Variants in DIPK1C observed in about 807,000 individuals in gnomAD.
DIPK1C encodes the protein divergent protein kinase domain 1C, also known as familial non-conventional Alzheimer's dementia.
A neutral mutation model predicts 28.0 loss-of-function variants in DIPK1C; 33 were observed. The observed-to-expected ratio is 1.18, with a 90% CI of 0.89 to 1.58. DIPK1C has a LOEUF of 1.58. DIPK1C is among the 40% of genes most tolerant of loss of function. The pLI, the probability that DIPK1C is intolerant of heterozygous loss-of-function variation, is 0.00. For synonymous variants in DIPK1C, 255 were observed against 248.8 expected (o/e 1.02, Z -0.23); for missense variants, 569 against 568.5 (o/e 1.00, Z -0.01).
the DIPK1C span, among the ~76,000 whole-genome samples, chr18:74,464,258 T>TA: frequency 6.6e-6 from 1 of 152,192 alleles, no homozygotes; most frequent in Non-Finnish European, 1.5e-5. Context: ...TGGGAGCCCT[T>TA]AAATCCACCA....
At chr18:74,464,461 C>T in the DIPK1C span, among the ~76,000 whole-genome samples, 3 of 152,230 alleles carry the variant, frequency 2.0e-5, no homozygotes, top group Admixed American at 2.0e-4. Context: ...CATCCTCCCC[C>T]ACATCAACAT....
chr18:74,446,182 G>T (rs749576298), intron 2 of DIPK1C, among the ~76,000 whole-genome samples: 6 of 152,248 alleles, frequency 3.9e-5, no homozygotes, highest in Admixed American at 6.5e-5. Context: ...AGCATGGGCA[G>T]CTTGAGAGCA....
chr18:74,448,885 G>C (rs1343040401), intron 1 of DIPK1C, among the ~76,000 whole-genome samples: 1 of 152,186 alleles, frequency 6.6e-6, no homozygotes, highest in Non-Finnish European at 1.5e-5. Context: ...GAGGCGGGCA[G>C]ATCACTTGAG....
At chr18:74,448,313 C>T (rs1986320242) in intron 1 of DIPK1C, among the ~76,000 whole-genome samples, 1 of 152,226 alleles carries the variant, frequency 6.6e-6, no homozygotes, top group Non-Finnish European at 1.5e-5. Context: ...ATAAAGGCCG[C>T]TCTTCCTTCC....
upstream of DIPK1C, chr18:74,457,400 G>A: frequency 1.7e-6 from 1 of 588,222 alleles, no homozygotes; most frequent in Non-Finnish European, 2.1e-6. Context: ...CAGGCCCCGC[G>A]CCTGGGGCGG....
chr18:74,437,589 T>C (rs1986026600), intron 3 of DIPK1C, among the ~76,000 whole-genome samples: 1 of 152,202 alleles, frequency 6.6e-6, no homozygotes, highest in East Asian at 1.9e-4. Flanking sequence ...TACTGCTTCA[T>C]AGAGGACAAA....
chr18:74,449,451 A>G (rs553801631), intron 1 of DIPK1C, among the ~76,000 whole-genome samples: 6 of 152,286 alleles, frequency 3.9e-5, no homozygotes, highest in African/African-American at 1.4e-4. Flanking sequence ...GAAAAGAAGC[A>G]CTCCCAGTGC....
At chr18:74,463,124 C>T in the DIPK1C span, among the ~76,000 whole-genome samples, 1 of 152,182 alleles carries the variant, frequency 6.6e-6, no homozygotes, top group African/African-American at 2.4e-5. Context: ...CATGGGGATT[C>T]CAGCTCCCGG....
At position 74,436,681 on chromosome 18, in the gene DIPK1C, C is replaced by T. The variant is rs750262375; in HGVS notation, c.1080G>A (p.Ala360=). The change falls in exon 4 of 4, where the codon GCG becomes GCA. Residue 360 remains alanine (A), a synonymous_variant. Transcript: ENST00000343998. The part of the protein sequence containing the change: ...CDKIFRHWFS[A]PLKSSAVSFQ... ...AAGAGACCGCAGAGCTCTTGAGAGG[C>T]GCGGAAAACCAATGGCGAAATATTT... The T allele has an allele frequency of 2.4e-5, 38 of 1,613,668 alleles. 1 individual carries two copies. Among genetic ancestry groups the T allele is most frequent in the Middle Eastern group, 1.7e-4 (1 of 5,996 alleles).
In DIPK1C at chr18:74,448,888, C is replaced by A. The variant is rs1986334271; in HGVS notation, c.199-1605G>T. Among the ~76,000 whole-genome samples, 7 of 152,272 alleles carry A rather than the reference C, an allele frequency of 4.6e-5. No homozygotes were observed. The South Asian group carries it at 1.4e-3, about 32-fold the overall frequency. ...CTTTGGGAGGCCGAGGCGGGCAGAT[C>A]ACTTGAGGCCAGGAGTTCAAGACCA... is the stretch of plus-strand genomic sequence containing the variant. On this transcript the variant is annotated intron_variant, in intron 1 of 3. Coordinates refer to ENST00000343998, the MANE Select transcript of DIPK1C (RefSeq NM_001044369.3).
Position 74,446,618 on chromosome 18 carries a change from C to T in DIPK1C, c.864G>A (p.Arg288=). 4 of 1,460,792 alleles carry T rather than the reference C, an allele frequency of 2.7e-6. No homozygotes were observed. Among genetic ancestry groups the T allele is most frequent in the Non-Finnish European group, 3.6e-6 (4 of 1,100,792 alleles). 90.5% of individuals were successfully genotyped at this position (1,460,792 alleles called of 1,614,324 possible). A position where few individuals can be genotyped will look rare whatever the true frequency, so the allele number is the denominator to read the frequency against. The change falls in exon 2 of 4, where the codon CGG becomes CGA. Residue 288 remains arginine (R), a synonymous_variant. Transcript: ENST00000343998. ...CDIKPENFAI[R]SDFTVVAIDV... ...CTGCGCCACTTACTGTGAAGTCGCTCCGGATGGCAAAGTTTTCCGGCTTGA... is the reference window on the plus strand; with the variant it reads ...CTGCGCCACTTACTGTGAAGTCGCTTCGGATGGCAAAGTTTTCCGGCTTGA...
rs1484528509 is a variant in DIPK1C, at chr18:74,457,289, C to A, written c.-30G>T. On this transcript the variant is annotated 5_prime_UTR_variant, in exon 1 of 4. Transcript: ENST00000343998. ...AGCCCTGCCCGCGCCCGGGCCCCAC[C>A]GCCGCCCGCGCCCCGAGTTCCGCAC... 7.1e-6 allele frequency: 7 copies of A among 983,330 alleles called. No individual in the cohort carries two copies. The highest frequency in any genetic ancestry group is 8.4e-6 in the Non-Finnish European group (7 of 828,684). The allele number at this position is 983,330 out of a possible 1,614,324, so 60.9% of individuals were successfully genotyped here.
At chr18:74,445,622 C>T (rs1384788928) in intron 2 of DIPK1C, among the ~76,000 whole-genome samples, 2 of 152,208 alleles carry the variant, frequency 1.3e-5, no homozygotes, top group Non-Finnish European at 2.9e-5. Flanking sequence ...TGCAACCATG[C>T]TGAAGAGCAC....
At chr18:74,448,270 C>T (rs1243129633) in intron 1 of DIPK1C, among the ~76,000 whole-genome samples, 1 of 152,000 alleles carries the variant, frequency 6.6e-6, no homozygotes, top group East Asian at 1.9e-4. Context: ...CCGCCCATTT[C>T]CCCGACAAAT....
chr18:74,461,778 A>G (rs555999287), upstream of DIPK1C, among the ~76,000 whole-genome samples: 1 of 152,152 alleles, frequency 6.6e-6, no homozygotes, highest in South Asian at 2.1e-4. Context: ...TTATCTTGAG[A>G]CAGAGTTACA....
At chr18:74,455,001 AGGGAGAT>A (rs1437414613) in intron 1 of DIPK1C, among the ~76,000 whole-genome samples, 1 of 152,186 alleles carries the variant, frequency 6.6e-6, no homozygotes, top group Non-Finnish European at 1.5e-5. Flanking sequence ...ATCGACACCT[AGGGAGAT>A]GGATGTGGCC....
rs1018337295 is a variant in DIPK1C at position 74,447,225 on chromosome 18, G to T, written c.257C>A (p.Ala86Glu). The T allele has an allele frequency of 1.9e-6, 3 of 1,549,682 alleles. No homozygotes were observed. The highest frequency in any genetic ancestry group is 1.7e-4 in the Middle Eastern group (1 of 5,980). Residue 86 changes from alanine to glutamate, a missense_variant, in exon 2 of 4, where the codon GCG becomes GAG. Ala to Glu is a moderately radical substitution (Grantham distance 107). Transcript: ENST00000343998. The surrounding 1 kb of genome is among the most constrained non-coding windows in gnomAD (Gnocchi z 4.1). The stretch of plus-strand genomic sequence containing the variant: ...GCAGCGTTGGAACAGCAGCTCTCCC[G>T]CCACACACAGGTCCTCGCAGAGGTC... Reference protein sequence around the residue: ...AGDLCEDLCVAGELLFQRCLH... With the variant: ...AGDLCEDLCVEGELLFQRCLH...
chr18:74,456,972 C>T, intron 1 of DIPK1C, 90 bp downstream of exon 1: 1 of 1,272,646 alleles, frequency 7.9e-7, no homozygotes, highest in Non-Finnish European at 1.0e-6. Context: ...CCACCGCCAC[C>T]CAAGTCCCCG....
At chr18:74,446,503 T>G in intron 2 of DIPK1C, 103 bp downstream of exon 2, 1 of 1,177,816 alleles carries the variant, frequency 8.5e-7, no homozygotes, top group Non-Finnish European at 1.1e-6. Flanking sequence ...GCAACAGTAG[T>G]TTGCTAACTC....
Sources: gnomAD v4.1 joint callset for allele counts (sites outside exome capture counted in the v4.1 genomes callset) on GRCh38, gnomAD v4.1.1 for gene constraint, Gnocchi (gnomAD v3.1) non-coding constraint, MANE v1.5 for transcripts, NCBI Gene and HGNC (gene_info 2026-07-23, HGNC 2026-07-21) for gene names.